UNKL: variants seen among roughly 807,000 people sequenced by gnomAD.
UNKL encodes putative E3 ubiquitin-protein ligase UNKL.
In UNKL, 60 loss-of-function variants were observed where a neutral mutation model predicts 78.0. That is an observed-to-expected ratio of 0.77 (90% CI 0.63 to 0.95). The LOEUF (loss-of-function observed/expected upper bound fraction) is 0.95, where lower values mean the gene tolerates loss of function less well. UNKL is among the 40% of genes least tolerant of loss of function. The pLI, the probability that UNKL is intolerant of heterozygous loss-of-function variation, is 0.00. For synonymous variants in UNKL, 608 were observed against 474.8 expected (o/e 1.28, Z -3.65); for missense variants, 1,159 against 1,045.7 (o/e 1.11, Z -1.49).
rs2037406707 is a variant in UNKL, at chr16:1,399,239, TG to T, written c.734+134del. On this transcript the variant is annotated intron_variant, in intron 5 of 14. Transcript: ENST00000389221. This position sits in a 1 kb window ranked among gnomAD's most constrained non-coding sequence, Gnocchi z 5.8. ...CTCCCACAGCCACTGTGCTTGGAGA[TG>T]CCCTCCCCTCCCGGGGATGATGGTG... 7.3e-7 allele frequency: 1 copy of T among 1,368,268 alleles called. No individual in the cohort carries two copies. 84.8% of individuals were successfully genotyped at this position (1,368,268 alleles called of 1,614,324 possible).
chr16:1,398,406 A>T, intron 5 of UNKL: 1 of 1,030,868 alleles, frequency 9.7e-7, no homozygotes. Context: ...ACGGGCGATG[A>T]CAAAATCTCA....
In UNKL at chr16:1,387,219, A is replaced by G. The variant is rs572623592; in HGVS notation, c.1087-1834T>C. On this transcript the variant is annotated intron_variant, in intron 9 of 14. Coordinates refer to ENST00000389221, the MANE Select transcript of UNKL (RefSeq NM_001372107.1). This position sits in a 1 kb window ranked among gnomAD's most constrained non-coding sequence, Gnocchi z 4.1. Reference sequence around the variant, plus strand: ...CACCGGGGACACTCCCAGCCATGCAACACCGGGGACACTCCCAGCCATGCA... The same window carrying G: ...CACCGGGGACACTCCCAGCCATGCAGCACCGGGGACACTCCCAGCCATGCA... 2.0e-5 allele frequency among the ~76,000 whole-genome samples: 3 copies of G among 150,164 alleles called. No individual in the cohort carries two copies. The East Asian group carries it at 5.8e-4, about 29-fold the overall frequency.
intron 10 of UNKL, among the ~76,000 whole-genome samples, chr16:1,375,066 G>T (rs921456064): frequency 1.3e-5 from 2 of 152,208 alleles, no homozygotes; most frequent in Non-Finnish European, 2.9e-5. Context: ...GACCATGGGA[G>T]CAACCACAGG....
chr16:1,403,291 C>T lies in UNKL; in HGVS notation c.341G>A (p.Arg114His), dbSNP rs965586739. Residue 114 changes from arginine (R) to histidine (H), a missense_variant, in exon 3 of 15, where the codon CGT becomes CAT. Physicochemically the swap from Arg to His is conservative, Grantham distance 29. Coordinates refer to ENST00000389221, the MANE Select transcript of UNKL (RefSeq NM_001372107.1). This position sits in a 1 kb window ranked among gnomAD's most constrained non-coding sequence, Gnocchi z 4.8. ...GATGCAGGTTCCTGTTTTGTAGTAA[C>T]GCAGGTGGTACTTGCGTTCTGTGTC... ...TGDTERKYHL[R>H]YYKTGTCIHE... is the part of the protein sequence containing the mutation. The T allele has an allele frequency of 6.2e-7, 1 of 1,614,182 alleles. No individual in the cohort carries two copies. Among genetic ancestry groups the T allele is most frequent in the Non-Finnish European group, 8.5e-7 (1 of 1,180,018 alleles).
Position 1,390,674 on chromosome 16 carries a change from C to T in UNKL, c.1044G>A (p.Pro348=), listed in dbSNP as rs947195572. Residue 348 remains proline, a synonymous_variant, in exon 9 of 15, where the codon CCG becomes CCA. Transcript: ENST00000389221. ...QPGNAKRRDS[P]AEGGPRGSEQ... Reference sequence around the variant, plus strand: ...CGCTGCCCCTAGGGCCACCCTCGGCCGGCGAGTCTCTCCGCTTGGCCTGCA... The same window carrying T: ...CGCTGCCCCTAGGGCCACCCTCGGCTGGCGAGTCTCTCCGCTTGGCCTGCA... 1.7e-5 allele frequency: 26 copies of T among 1,535,912 alleles called. No homozygotes were observed. The highest frequency in any genetic ancestry group is 9.8e-5 in the Admixed American group (5 of 50,968).
At position 1,365,036 on chromosome 16, in the gene UNKL, C is replaced by T. The variant is rs1459544449; in HGVS notation, c.*1204G>A. 1.3e-5 allele frequency: 2 copies of T among 152,022 alleles called. No individual in the cohort carries two copies. Among genetic ancestry groups the T allele is most frequent in the East Asian group, 1.9e-4 (1 of 5,188 alleles). 9.4% of individuals were successfully genotyped at this position (152,022 alleles called of 1,614,324 possible). ...TGAGCCAGAGTCTCGCTCTGTCACCCGGGCTGGAGTGCGGTGGCGCGATCT... is the reference window on the plus strand; with the variant it reads ...TGAGCCAGAGTCTCGCTCTGTCACCTGGGCTGGAGTGCGGTGGCGCGATCT... On this transcript the variant is annotated 3_prime_UTR_variant, in exon 15 of 15. Coordinates refer to ENST00000389221, the MANE Select transcript of UNKL (RefSeq NM_001372107.1).
At position 1,366,355 on chromosome 16, in the gene UNKL, C is replaced by G; in HGVS notation, c.2087G>C (p.Arg696Pro). ...CAGGACAGCACCGTGGGCCCGCTCC[C>G]GGCAGGCCACACACTGCTTGGCGCG... ...QLRAKQCVAC[R>P]ERAHGAVLRP... is the part of the protein sequence containing the mutation. Residue 696 changes from arginine (R) to proline (P), a missense_variant, in exon 15 of 15, where the codon CGG (arginine) becomes CCG (proline). Arg to Pro is a moderately radical substitution (Grantham distance 103, BLOSUM62 -2). Coordinates refer to ENST00000389221, the MANE Select transcript of UNKL (RefSeq NM_001372107.1). 6.2e-7 allele frequency: 1 copy of G among 1,604,324 alleles called. No homozygotes were observed.
rs1481845195 is a variant in UNKL at position 1,371,623 on chromosome 16, G to GC, written c.1265-13dup. 6 of 1,535,660 alleles carry GC rather than the reference G, an allele frequency of 3.9e-6. No homozygotes were observed. In the East Asian group the frequency reaches 7.3e-5, roughly 19 times the overall value. On this transcript the variant is annotated splice_polypyrimidine_tract_variant and intron_variant, in intron 10 of 14. Coordinates refer to ENST00000389221, the MANE Select transcript of UNKL (RefSeq NM_001372107.1). Reference sequence around the variant, plus strand: ...GTCTAACGCAGAACCTGTCAACAGAGCCCCCCATCATCCACAGCCCACCCA... The same window carrying GC: ...GTCTAACGCAGAACCTGTCAACAGAGCCCCCCCATCATCCACAGCCCACCCA...
Position 1,398,176 on chromosome 16 carries a change from T to A in UNKL, c.735-881A>T, listed in dbSNP as rs562956122. ...AAGCGAGAGTTTTGATCCCACAATT[T>A]AAAACTCCGCACCAATTTCAAATTA... is the stretch of plus-strand genomic sequence containing the variant. On this transcript the variant is annotated intron_variant, in intron 5 of 14. Transcript: ENST00000389221. 4.2e-5 allele frequency: 23 copies of A among 546,486 alleles called. No individual in the cohort carries two copies. In the African/African-American group the frequency reaches 4.7e-4, roughly 11 times the overall value. 33.9% of individuals were successfully genotyped at this position (546,486 alleles called of 1,614,324 possible).
At chr16:1,386,820 C>T (rs2036835862) in intron 9 of UNKL, among the ~76,000 whole-genome samples, 1 of 152,162 alleles carries the variant, frequency 6.6e-6, no homozygotes, top group Admixed American at 6.5e-5. Context: ...AGATTTGCCC[C>T]TCAGCCCACG....
rs1239621707 is a variant in UNKL at position 1,371,500 on chromosome 16, A to T, written c.1357+19T>A. 6.5e-7 allele frequency: 1 copy of T among 1,535,026 alleles called. No homozygotes were observed. The highest frequency in any genetic ancestry group is 8.7e-7 in the Non-Finnish European group (1 of 1,146,142). On this transcript the variant is annotated intron_variant, in intron 11 of 14. Coordinates refer to ENST00000389221, the MANE Select transcript of UNKL (RefSeq NM_001372107.1). ...TCAGCGGCTGGAGGAGCAGGGCCCC[A>T]GGTCCTCCCCACCCTCACCTGCTGC...
chr16:1,398,327 G>A, intron 5 of UNKL: 2 of 1,005,310 alleles, frequency 2.0e-6, no homozygotes, highest in Non-Finnish European at 2.4e-6. Flanking sequence ...CTGCTTTATT[G>A]TAACTGATTT....
rs142150907 is a variant in UNKL, at chr16:1,391,112, C to T, written c.1024-418G>A. Among the ~76,000 whole-genome samples, 1,320 of 151,696 alleles carry T rather than the reference C, an allele frequency of 8.7e-3. 24 individuals are homozygous for T. Among genetic ancestry groups the T allele is most frequent in the African/African-American group, 0.031 (1,270 of 41,312 alleles). ...CTGCAGTGAGCCAAGGTCATACCACCGCACTGCAGGCTGGGTGATAGAGTG... is the reference window on the plus strand; with the variant it reads ...CTGCAGTGAGCCAAGGTCATACCACTGCACTGCAGGCTGGGTGATAGAGTG... On this transcript the variant is annotated intron_variant, in intron 8 of 14. Transcript: ENST00000389221.
rs930440594 is a variant in UNKL, at chr16:1,387,145, C to G, written c.1087-1760G>C. The stretch of plus-strand genomic sequence containing the variant: ...GGGGACCCTCCCAGCCATGCAGCAC[C>G]GGGGACCCTCCCAGCCATGCAGCAC... On this transcript the variant is annotated intron_variant, in intron 9 of 14. Transcript: ENST00000389221. This position sits in a 1 kb window ranked among gnomAD's most constrained non-coding sequence, Gnocchi z 4.1. Among the ~76,000 whole-genome samples the G allele has an allele frequency of 6.6e-6, 1 of 151,920 alleles. No individual in the cohort carries two copies. The highest frequency in any genetic ancestry group is 2.4e-5 in the African/African-American group (1 of 41,364).
chr16:1,384,205 C>T (rs978804600), intron 10 of UNKL, among the ~76,000 whole-genome samples: 2 of 150,788 alleles, frequency 1.3e-5, no homozygotes, highest in African/African-American at 2.4e-5. Context: ...GGCCAGGTGT[C>T]CCCCACCACC....
chr16:1,381,100 A>G (rs1392166352), intron 10 of UNKL, among the ~76,000 whole-genome samples: 2 of 152,230 alleles, frequency 1.3e-5, no homozygotes, highest in African/African-American at 2.4e-5. Context: ...TGCTAACTCC[A>G]GTCCATCTGA....
intron 10 of UNKL, among the ~76,000 whole-genome samples, chr16:1,377,328 C>A (rs1203364078): frequency 6.6e-6 from 1 of 151,950 alleles, no homozygotes; most frequent in African/African-American, 2.4e-5. Context: ...GCCTCAAATG[C>A]AACTTTCAGG....
chr16:1,407,197 G>A (rs2037805710), intron 2 of UNKL: 1 of 150,540 alleles, frequency 6.6e-6, no homozygotes, highest in African/African-American at 2.4e-5. Flanking sequence ...AGACCCGCCA[G>A]ATACAAGCAG....
rs2036857138 is a variant in UNKL, at chr16:1,387,354, G to C, written c.1087-1969C>G. ...CCCAGAAACACTATGGGTGATTCGA[G>C]ACCTGGTGCCATCTCAGTGGCAACC... On this transcript the variant is annotated intron_variant, in intron 9 of 14. Coordinates refer to ENST00000389221, the MANE Select transcript of UNKL (RefSeq NM_001372107.1). This position sits in a 1 kb window ranked among gnomAD's most constrained non-coding sequence, Gnocchi z 4.1. Among the ~76,000 whole-genome samples, 1 of 152,194 alleles carries C rather than the reference G, an allele frequency of 6.6e-6. No homozygotes were observed. The highest frequency in any genetic ancestry group is 2.4e-5 in the African/African-American group (1 of 41,446).
Sources: allele counts gnomAD v4.1 joint callset (sites outside exome capture counted in the v4.1 genomes callset), GRCh38; gene constraint gnomAD v4.1.1; non-coding constraint Gnocchi (gnomAD v3.1); transcripts MANE v1.5; gene names NCBI Gene and HGNC (gene_info 2026-07-23, HGNC 2026-07-21).